The following DTWD1 variants were observed in gnomAD, a reference collection of about 807,000 sequenced individuals.
The protein encoded by DTWD1 is DTW motif tRNA-uridine aminocarboxypropyltransferase 1.
Under a neutral mutation model 30.2 loss-of-function variants are expected in DTWD1, and 27 were observed. The ratio of observed to expected loss-of-function variants is 0.90; its 90% CI spans 0.66 to 1.23. The LOEUF (loss-of-function observed/expected upper bound fraction) is 1.23, where lower values mean the gene tolerates loss of function less well. Among genes scored for constraint, DTWD1 ranks in the 50% most tolerant of loss-of-function variants. DTWD1 has a pLI of 0.00. For synonymous variants in DTWD1, 99 were observed against 113.1 expected, an observed-to-expected ratio of 0.88 and a Z score of 0.79; for missense variants, 342 against 348.8, an observed-to-expected ratio of 0.98 and a Z score of 0.15.
chr15:49,639,903 G>A (rs746587069), intron 4 of DTWD1, among the ~76,000 whole-genome samples: 1 of 152,096 alleles, frequency 6.6e-6, no homozygotes, highest in African/African-American at 2.4e-5. Context: ...CACTAAATAA[G>A]CAAAGAGGTT....
In DTWD1 at chr15:49,645,062, T is replaced by G. The variant is rs1356931360; in HGVS notation, c.*1484T>G. On this transcript the variant is annotated 3_prime_UTR_variant, in exon 5 of 5. Coordinates refer to ENST00000403028, the MANE Select transcript of DTWD1 (RefSeq NM_001144955.2). Reference sequence around the variant, plus strand: ...ATTAGTTTGCTGTACATTACGTTGTTTCCCTCCCAGGGATTCAGAAGGCAA... The same window carrying G: ...ATTAGTTTGCTGTACATTACGTTGTGTCCCTCCCAGGGATTCAGAAGGCAA... 2 of 152,164 alleles carry G rather than the reference T, an allele frequency of 1.3e-5. No individual in the cohort carries two copies. The highest frequency in any genetic ancestry group is 4.8e-5 in the African/African-American group (2 of 41,436). The allele number at this position is 152,164 out of a possible 1,614,324, so 9.4% of individuals were successfully genotyped here.
At chr15:49,642,942 C>T (rs1049551892) in intron 4 of DTWD1, among the ~76,000 whole-genome samples, 4 of 151,812 alleles carry the variant, frequency 2.6e-5, no homozygotes, top group African/African-American at 9.7e-5. Context: ...ACAAAAAAGT[C>T]AGTTTGTCAA....
rs980959082 is a variant in DTWD1, at chr15:49,649,904, G to C, written c.*6326G>C. ...TAAGTGCTAAGAAGAAAATAAAGCAGAGTAAGGAACTGATAGTGACTGGTG... is the reference window on the plus strand; with the variant it reads ...TAAGTGCTAAGAAGAAAATAAAGCACAGTAAGGAACTGATAGTGACTGGTG... On this transcript the variant is annotated 3_prime_UTR_variant, in exon 5 of 5. Coordinates refer to ENST00000403028, the MANE Select transcript of DTWD1 (RefSeq NM_001144955.2). 1 of 152,098 alleles carries C rather than the reference G, an allele frequency of 6.6e-6. No individual in the cohort carries two copies. Among genetic ancestry groups the C allele is most frequent in the Non-Finnish European group, 1.5e-5 (1 of 68,004 alleles). The allele number at this position is 152,098 out of a possible 1,614,324, so 9.4% of individuals were successfully genotyped here. A position where few individuals can be genotyped will look rare whatever the true frequency, so the allele number is the denominator to read the frequency against.
intron 1 of DTWD1, among the ~76,000 whole-genome samples, chr15:49,622,006 T>G (rs1489263566): frequency 6.6e-6 from 1 of 152,158 alleles, no homozygotes; most frequent in Non-Finnish European, 1.5e-5. Context: ...AGGTAGAAGC[T>G]TTTTGTTATT....
Position 49,643,431 on chromosome 15 carries a change from CT to C in DTWD1, c.771del (p.Leu258TrpfsTer2), listed in dbSNP as rs2079091032. ...FLSTIEAIYYFLVDYHTDILK... is the reference protein window; with the variant it reads ...FLSTIEAIYYXLVDYHTDILK... ...TTTCTACAATTGAAGCCATTTACTACTTTCTGGTAGACTACCATACTGATAT... is the reference window on the plus strand; with the variant it reads ...TTTCTACAATTGAAGCCATTTACTACTTCTGGTAGACTACCATACTGATAT... On this transcript the variant is annotated frameshift_variant, in exon 5 of 5. Transcript: ENST00000403028. LOFTEE classifies it high-confidence loss of function. The C allele has an allele frequency of 6.2e-7, 1 of 1,602,496 alleles. No homozygotes were observed. Among genetic ancestry groups the C allele is most frequent in the Non-Finnish European group, 8.5e-7 (1 of 1,175,168 alleles).
At position 49,652,622 on chromosome 15, in the gene DTWD1, C is replaced by G. The variant is rs550825874; in HGVS notation, c.*9044C>G. The G allele has an allele frequency of 7.6e-6, 1 of 130,738 alleles. No individual in the cohort carries two copies. Among genetic ancestry groups the G allele is most frequent in the Non-Finnish European group, 1.5e-5 (1 of 65,814 alleles). 8.1% of individuals were successfully genotyped at this position (130,738 alleles called of 1,614,324 possible). On this transcript the variant is annotated 3_prime_UTR_variant, in exon 5 of 5. Transcript: ENST00000403028. ...CAAGTATTGATGGCATTCCCAAGCC[C>G]CACTGCAGCAGCAAGCACTGTAATT...
intron 1 of DTWD1, chr15:49,621,357 A>T (rs537277493): frequency 6.6e-6 from 1 of 152,216 alleles, no homozygotes; most frequent in East Asian, 1.9e-4. Flanking sequence ...CAAAAAAAAA[A>T]TTATTTTTCC....
chr15:49,631,357 A>G (rs1054569435), intron 2 of DTWD1, among the ~76,000 whole-genome samples: 1 of 152,254 alleles, frequency 6.6e-6, no homozygotes, highest in Non-Finnish European at 1.5e-5. Flanking sequence ...GCCGAAAATC[A>G]TGATGTTTCC....
At chr15:49,627,680 T>C (rs1228255752) in intron 2 of DTWD1, among the ~76,000 whole-genome samples, 1 of 152,190 alleles carries the variant, frequency 6.6e-6, no homozygotes, top group Non-Finnish European at 1.5e-5. Flanking sequence ...CACACAATGG[T>C]ATTAGTGTAT....
In DTWD1 at chr15:49,652,133, T is replaced by C. The variant is rs1216850822; in HGVS notation, c.*8555T>C. 6.6e-6 allele frequency: 1 copy of C among 152,150 alleles called. No homozygotes were observed. The highest frequency in any genetic ancestry group is 1.5e-5 in the Non-Finnish European group (1 of 68,028). The allele number at this position is 152,150 out of a possible 1,614,324, so 9.4% of individuals were successfully genotyped here. A position where few individuals can be genotyped will look rare whatever the true frequency, so the allele number is the denominator to read the frequency against. On this transcript the variant is annotated 3_prime_UTR_variant, in exon 5 of 5. Transcript: ENST00000403028. ...CTCCCCTCCGTGCCATCACTTTTAA[T>C]GACCCATATGGTACTTTGCACCTCT...
At chr15:49,639,880 G>A (rs978996866) in intron 4 of DTWD1, among the ~76,000 whole-genome samples, 2 of 152,080 alleles carry the variant, frequency 1.3e-5, no homozygotes, top group African/African-American at 4.8e-5. Context: ...ATGACTTCAA[G>A]CTCCAATTCC....
chr15:49,634,573 T>C lies in DTWD1; in HGVS notation c.446T>C (p.Ile149Thr). ...TTTCCTGGACCTCAGTCTATCTCAA[T>C]AAAAGATATTTCTTTTCATCTGCAA... Reference protein sequence around the residue: ...LIFPGPQSISIKDISFHLQKR... With the variant: ...LIFPGPQSISTKDISFHLQKR... The change falls in exon 4 of 5, where the codon ATA (isoleucine) becomes ACA (threonine). Residue 149 changes from isoleucine to threonine, a missense_variant. By Grantham distance (89) the Ile-to-Thr change is moderately conservative. Transcript: ENST00000403028. 1 of 1,613,380 alleles carries C rather than the reference T, an allele frequency of 6.2e-7. No individual in the cohort carries two copies.
At chr15:49,635,479 T>C (rs1036345591) in intron 4 of DTWD1, among the ~76,000 whole-genome samples, 1 of 152,088 alleles carries the variant, frequency 6.6e-6, no homozygotes, top group East Asian at 1.9e-4. Context: ...TTACAGGTTT[T>C]TTGTTGTTCT....
In DTWD1 at chr15:49,645,984, A is replaced by G. The variant is rs2079115835; in HGVS notation, c.*2406A>G. On this transcript the variant is annotated 3_prime_UTR_variant, in exon 5 of 5. Coordinates refer to ENST00000403028, the MANE Select transcript of DTWD1 (RefSeq NM_001144955.2). ...CAGGTTCCTTTGAAGTACTCCCCCC[A>G]CTGTGATTCTGGGTCATCTGCATTC... is the stretch of plus-strand genomic sequence containing the variant. The G allele has an allele frequency of 6.6e-6, 1 of 151,866 alleles. No individual in the cohort carries two copies. The highest frequency in any genetic ancestry group is 2.4e-5 in the African/African-American group (1 of 41,334). 9.4% of individuals were successfully genotyped at this position (151,866 alleles called of 1,614,324 possible). A position where few individuals can be genotyped will look rare whatever the true frequency, so the allele number is the denominator to read the frequency against.
chr15:49,625,059 A>C lies in DTWD1; in HGVS notation c.-55-54A>C, dbSNP rs534223978. Reference sequence around the variant, plus strand: ...ATTGAGTAATTTTCTTTGTAGACTGAGTAAAATGTTTTCTGTTTTTATTTT... The same window carrying C: ...ATTGAGTAATTTTCTTTGTAGACTGCGTAAAATGTTTTCTGTTTTTATTTT... On this transcript the variant is annotated intron_variant, in intron 1 of 4. Transcript: ENST00000403028. 4.6e-6 allele frequency: 5 copies of C among 1,097,592 alleles called. No homozygotes were observed. The South Asian group carries it at 8.1e-5, about 18-fold the overall frequency. 68.0% of individuals were successfully genotyped at this position (1,097,592 alleles called of 1,614,324 possible).
rs778522191 is a variant in DTWD1 at position 49,653,561 on chromosome 15, ACT to A, written c.*9986_*9987del. The A allele has an allele frequency of 1.2e-4, 18 of 152,258 alleles. No individual in the cohort carries two copies. The East Asian group carries it at 1.4e-3, about 11-fold the overall frequency. 9.4% of individuals were successfully genotyped at this position (152,258 alleles called of 1,614,324 possible). ...CTAAGCCTTGAAGAATAGTGAACAA[ACT>A]CTTACTGGAGGATGGGAAGGCAGTA... On this transcript the variant is annotated 3_prime_UTR_variant, in exon 5 of 5. Coordinates refer to ENST00000403028, the MANE Select transcript of DTWD1 (RefSeq NM_001144955.2).
chr15:49,635,912 T>G (rs2078995839), intron 4 of DTWD1, among the ~76,000 whole-genome samples: 1 of 152,160 alleles, frequency 6.6e-6, no homozygotes, highest in African/African-American at 2.4e-5. Context: ...TCACTACAAG[T>G]TAGGAAATGA....
Position 49,643,529 on chromosome 15 carries a change from A to C in DTWD1, c.866A>C (p.Lys289Thr). The change falls in exon 5 of 5, where the codon AAG becomes ACG. Residue 289 changes from lysine to threonine, a missense_variant. Transcript: ENST00000403028. ...TATTCTTTTATGTACCAGTTGATAAAGAATGCCAAATGCTCTGGAGATAAG... is the reference window on the plus strand; with the variant it reads ...TATTCTTTTATGTACCAGTTGATAACGAATGCCAAATGCTCTGGAGATAAG... ...FFYSFMYQLI[K>T]NAKCSGDKET... 1.2e-6 allele frequency: 2 copies of C among 1,607,452 alleles called. No individual in the cohort carries two copies.
At chr15:49,631,964 TA>T in intron 2 of DTWD1, 194 bp from the exon 3 acceptor site, 1 of 618,472 alleles carries the variant, frequency 1.6e-6, no homozygotes, top group South Asian at 1.8e-5. Flanking sequence ...AATACATGAA[TA>T]ACAATGCCAA....
Sources: gnomAD v4.1 joint callset for allele counts (sites outside exome capture counted in the v4.1 genomes callset) on GRCh38, gnomAD v4.1.1 for gene constraint, MANE v1.5 for transcripts, NCBI Gene and HGNC (gene_info 2026-07-23, HGNC 2026-07-21) for gene names.